GLRA2: variants seen among roughly 807,000 people sequenced by gnomAD.
GLRA2 encodes glycine receptor subunit alpha-2.
GLRA2 carries 11 observed loss-of-function variants against 31.6 expected under a neutral mutation model. The observed-to-expected ratio is 0.35, with a 90% confidence interval of 0.22 to 0.58. GLRA2 has a LOEUF of 0.58. Among genes scored for constraint, GLRA2 ranks in the 20% least tolerant of loss-of-function variants. The probability of loss-of-function intolerance (pLI) is 0.84; values close to 1 mark genes in which losing one functional copy is unlikely to be tolerated. For missense variants in GLRA2, 212 were observed against 351.8 expected, an observed-to-expected ratio of 0.60 and a Z score of 3.18; for synonymous variants, 132 against 134.0, an observed-to-expected ratio of 0.99 and a Z score of 0.10.
chrX:14,609,306 C>A, intron 7 of GLRA2, 101 bp downstream of exon 7: 1 of 481,799 alleles, frequency 2.1e-6, no homozygotes, highest in Non-Finnish European at 3.6e-6. Flanking sequence ...CCCTATGACA[C>A]TGTCATAGAT....
intron 4 of GLRA2, among the ~76,000 whole-genome samples, chrX:14,603,255 C>T (rs1341040100): frequency 9.0e-6 from 1 of 110,739 alleles, no homozygotes; most frequent in Non-Finnish European, 1.9e-5. Flanking sequence ...TGTCCATAGC[C>T]CACTTTTTGA....
rs771146870 is a variant in GLRA2, at chrX:14,726,267, A to G, written c.1081-3940A>G. Among the ~76,000 whole-genome samples, 9 of 112,204 alleles carry G rather than the reference A, an allele frequency of 8.0e-5. No individual in the cohort carries two copies. The South Asian group carries it at 3.3e-3, about 42-fold the overall frequency. ...AAGGCAATTAGTCATTTATTATAAC[A>G]CAAAAAAATTCAAATTGGTTGCAGT... On this transcript the variant is annotated intron_variant, in intron 8 of 8. Coordinates refer to ENST00000218075, the MANE Select transcript of GLRA2 (RefSeq NM_002063.4).
chrX:14,489,890 T>G, the GLRA2 span, among the ~76,000 whole-genome samples: 1 of 111,771 alleles, frequency 8.9e-6, no homozygotes, highest in South Asian at 3.8e-4. Context: ...CCATTGCTTA[T>G]CTAAAGTGAT....
At chrX:14,693,045 CA>C (rs55932806) in intron 8 of GLRA2, among the ~76,000 whole-genome samples, 7,312 of 73,035 alleles carry the variant, frequency 0.1, 227 homozygotes, top group Middle Eastern at 0.14. Flanking sequence ...AGTATAATAA[CA>C]AAAAAAAAAA....
At chrX:14,679,524 T>C (rs1407679299) in intron 7 of GLRA2, among the ~76,000 whole-genome samples, 1 of 111,013 alleles carries the variant, frequency 9.0e-6, no homozygotes, top group Non-Finnish European at 1.9e-5. Flanking sequence ...ACCCCAAACC[T>C]ATCAGCTTGG....
chrX:14,617,908 G>C (rs1477361048), intron 7 of GLRA2, among the ~76,000 whole-genome samples: 1 of 111,821 alleles, frequency 8.9e-6, no homozygotes, highest in African/African-American at 3.2e-5. Context: ...CTGGAAGAAG[G>C]GACATGAGGA....
intron 7 of GLRA2, among the ~76,000 whole-genome samples, chrX:14,652,712 T>A (rs967419319): frequency 4.5e-5 from 5 of 111,184 alleles, no homozygotes; most frequent in African/African-American, 1.6e-4. Flanking sequence ...CACTTCTCTA[T>A]GAACCAGCTG....
intron 8 of GLRA2, among the ~76,000 whole-genome samples, chrX:14,712,085 A>G (rs2091719885): frequency 8.8e-6 from 1 of 113,043 alleles, no homozygotes; most frequent in Non-Finnish European, 1.9e-5. Context: ...TTGCCTTGGC[A>G]TAACATTACC....
intron 4 of GLRA2, among the ~76,000 whole-genome samples, chrX:14,589,495 T>TA (rs72146186): frequency 0.02 from 1,686 of 82,906 alleles, 26 homozygotes; most frequent in Non-Finnish European, 0.03. Context: ...CCATCTGTAC[T>TA]AAAAAAAAAA....
intron 7 of GLRA2, among the ~76,000 whole-genome samples, chrX:14,666,974 G>A (rs2091043568): frequency 1.8e-5 from 2 of 112,169 alleles, no homozygotes; most frequent in Non-Finnish European, 3.8e-5. Context: ...CTGTAAAACA[G>A]ATTACACAAG....
In GLRA2 at chrX:14,626,028, A is replaced by G. The variant is rs766206903; in HGVS notation, c.930+16823A>G. Among the ~76,000 whole-genome samples the G allele has an allele frequency of 1.3e-3, 151 of 112,207 alleles. 1 individual carries two copies. Among genetic ancestry groups the G allele is most frequent in the African/African-American group, 4.7e-3 (147 of 31,020 alleles). On this transcript the variant is annotated intron_variant, in intron 7 of 8. Coordinates refer to ENST00000218075, the MANE Select transcript of GLRA2 (RefSeq NM_002063.4). ...TTGGTGTGTTTAATCATTATGCCAT[A>G]CCACTTTTCATAGTGAACAATTATT...
Position 14,532,368 on chromosome X carries a change from T to C in GLRA2, c.198T>C (p.Phe66=). 8.5e-7 allele frequency: 1 copy of C among 1,176,320 alleles called. No individual in the cohort carries two copies. Among genetic ancestry groups the C allele is most frequent in the Non-Finnish European group, 1.1e-6 (1 of 870,626 alleles). ...ATGATGCAAGAATCAGGCCAAATTT[T>C]AAAGGTAGGTTCCACTTAAACTTAC... The part of the protein sequence containing the change: ...SGYDARIRPN[F]KGPPVNVTCN... Residue 66 remains phenylalanine (F), a synonymous_variant, in exon 2 of 9, where the codon TTT becomes TTC. Coordinates refer to ENST00000218075, the MANE Select transcript of GLRA2 (RefSeq NM_002063.4).
intron 2 of GLRA2, among the ~76,000 whole-genome samples, chrX:14,563,898 AT>A (rs1479768823): frequency 8.9e-6 from 1 of 111,780 alleles, no homozygotes; most frequent in African/African-American, 3.2e-5. Flanking sequence ...GAAAACTGAA[AT>A]TGTCAATTCT....
chrX:14,562,873 G>A (rs772695070), intron 2 of GLRA2, among the ~76,000 whole-genome samples: 3 of 111,504 alleles, frequency 2.7e-5, no homozygotes, highest in African/African-American at 9.8e-5. Flanking sequence ...TATGAATGTG[G>A]GGGGGACACA....
chrX:14,656,203 T>C (rs1432896656), intron 7 of GLRA2, among the ~76,000 whole-genome samples: 2 of 112,248 alleles, frequency 1.8e-5, no homozygotes, highest in Non-Finnish European at 3.8e-5. Flanking sequence ...GTCCCACTCC[T>C]AGGGATTCTA....
rs190271797 is a variant in GLRA2 at position 14,724,108 on chromosome X, C to T, written c.1081-6099C>T. Among the ~76,000 whole-genome samples, 3 of 111,551 alleles carry T rather than the reference C, an allele frequency of 2.7e-5. No individual in the cohort carries two copies. In the East Asian group the frequency reaches 8.5e-4, roughly 32 times the overall value. ...TAACTGTTTATTTTTTTCCAAAGCA[C>T]CCATCATTATCTGTGTGTGTCTTGT... is the stretch of plus-strand genomic sequence containing the variant. On this transcript the variant is annotated intron_variant, in intron 8 of 8. Coordinates refer to ENST00000218075, the MANE Select transcript of GLRA2 (RefSeq NM_002063.4).
intron 1 of GLRA2, among the ~76,000 whole-genome samples, chrX:14,530,724 T>C (rs189455122): frequency 8.0e-4 from 90 of 112,137 alleles, no homozygotes; most frequent in Middle Eastern, 4.6e-3. Flanking sequence ...TTTATGTACA[T>C]ATGAGAAGTG....
At chrX:14,684,477 T>C (rs965353140) in intron 7 of GLRA2, among the ~76,000 whole-genome samples, 2 of 111,753 alleles carry the variant, frequency 1.8e-5, no homozygotes, top group African/African-American at 6.5e-5. Flanking sequence ...TTTGTTTGTG[T>C]CCTCTTTTAT....
the GLRA2 span, among the ~76,000 whole-genome samples, chrX:14,470,581 T>G: frequency 1.8e-5 from 2 of 111,441 alleles, no homozygotes; most frequent in Non-Finnish European, 3.8e-5. Flanking sequence ...TGAATAATAG[T>G]CTTTATGTTG....
Sources: allele counts gnomAD v4.1 joint callset (sites outside exome capture counted in the v4.1 genomes callset), GRCh38; gene constraint gnomAD v4.1.1; transcripts MANE v1.5; gene names NCBI Gene and HGNC (gene_info 2026-07-23, HGNC 2026-07-21).